The following MBNL1 variants were observed in gnomAD, a reference collection of about 807,000 sequenced individuals.
MBNL1 encodes the protein muscleblind-like protein 1.
In MBNL1, 8 loss-of-function variants were observed where a neutral mutation model predicts 42.2. The ratio of observed to expected loss-of-function variants is 0.19; its 90% CI spans 0.11 to 0.34. The LOEUF is 0.34. Among genes scored for constraint, MBNL1 ranks in the 10% least tolerant of loss-of-function variants. The pLI is 1.00. For missense variants in MBNL1, 309 were observed against 495.3 expected, an observed-to-expected ratio of 0.62 and a Z score of 3.57; for synonymous variants, 169 against 173.9, an observed-to-expected ratio of 0.97 and a Z score of 0.22.
At chr3:152,423,355 C>T (rs1004374273) in intron 3 of MBNL1, among the ~76,000 whole-genome samples, 4 of 152,172 alleles carry the variant, frequency 2.6e-5, no homozygotes, top group South Asian at 2.1e-4. Context: ...TTCCTGGACA[C>T]GTACAGCCTC....
At chr3:152,318,567 G>A (rs2073897584) in intron 2 of MBNL1, among the ~76,000 whole-genome samples, 1 of 152,042 alleles carries the variant, frequency 6.6e-6, no homozygotes, top group Non-Finnish European at 1.5e-5. Flanking sequence ...ATTAAAATAG[G>A]ACTTGATTGA....
intron 2 of MBNL1, among the ~76,000 whole-genome samples, chr3:152,320,943 A>G (rs149252798): frequency 6.6e-6 from 1 of 152,060 alleles, no homozygotes; most frequent in African/African-American, 2.4e-5. Flanking sequence ...AATACTTTAT[A>G]GTGTTGCAAC....
intron 8 of MBNL1, chr3:152,457,961 C>G: frequency 3.5e-6 from 2 of 566,716 alleles, no homozygotes; most frequent in Non-Finnish European, 6.4e-6. Context: ...TATATATATA[C>G]ACACATATAT....
At chr3:152,384,533 A>G (rs1381988244) in intron 2 of MBNL1, among the ~76,000 whole-genome samples, 3 of 152,150 alleles carry the variant, frequency 2.0e-5, no homozygotes, top group Non-Finnish European at 4.4e-5. Context: ...ACAATACTAT[A>G]GAACAACATA....
intron 2 of MBNL1, chr3:152,338,131 T>C: frequency 1.0e-6 from 1 of 984,448 alleles, no homozygotes; most frequent in Non-Finnish European, 1.2e-6. Flanking sequence ...TAAATCTCCA[T>C]ACCCACTTCA....
At chr3:152,389,731 G>A (rs1489697634) in intron 2 of MBNL1, among the ~76,000 whole-genome samples, 2 of 152,084 alleles carry the variant, frequency 1.3e-5, no homozygotes, top group Non-Finnish European at 2.9e-5. Flanking sequence ...AAGTTGTTCT[G>A]GATGAGTGAG....
In MBNL1 at chr3:152,462,485, C is replaced by T. The variant is rs1169969935; in HGVS notation, c.*119C>T. The T allele has an allele frequency of 6.6e-6, 1 of 152,140 alleles. No individual in the cohort carries two copies. Among genetic ancestry groups the T allele is most frequent in the Non-Finnish European group, 1.5e-5 (1 of 68,018 alleles). The allele number at this position is 152,140 out of a possible 1,614,324, so 9.4% of individuals were successfully genotyped here. ...TCAAGCAACACACACAAAAGTTCCT[C>T]AGCCACAAGACATCCACATATTGCA... On this transcript the variant is annotated 3_prime_UTR_variant, in exon 10 of 10. Transcript: ENST00000324210.
intron 4 of MBNL1, among the ~76,000 whole-genome samples, chr3:152,441,589 T>G (rs187881182): frequency 5.9e-5 from 9 of 152,322 alleles, no homozygotes; most frequent in Admixed American, 2.0e-4. Flanking sequence ...TTTTCCTGAT[T>G]ATGTTTTCTT....
chr3:152,382,759 C>T (rs1434419113), intron 2 of MBNL1, among the ~76,000 whole-genome samples: 1 of 152,122 alleles, frequency 6.6e-6, no homozygotes, highest in Non-Finnish European at 1.5e-5. Flanking sequence ...CAGGGGCTAT[C>T]TTTTCCTTGT....
chr3:152,406,320 T>C (rs2098425355), intron 2 of MBNL1, among the ~76,000 whole-genome samples: 1 of 152,170 alleles, frequency 6.6e-6, no homozygotes, highest in East Asian at 1.9e-4. Flanking sequence ...CAACTCTAAA[T>C]AGAAGAGCCT....
intron 2 of MBNL1, among the ~76,000 whole-genome samples, chr3:152,323,755 A>G (rs887292928): frequency 1.3e-5 from 2 of 152,194 alleles, no homozygotes; most frequent in African/African-American, 4.8e-5. Context: ...TATGATGTCT[A>G]CAAATGTCAC....
At chr3:152,312,469 G>T (rs2067336779) in intron 2 of MBNL1, among the ~76,000 whole-genome samples, 2 of 152,102 alleles carry the variant, frequency 1.3e-5, no homozygotes, top group East Asian at 3.9e-4. Flanking sequence ...GAATTTATGT[G>T]GATTCAATGA....
intron 1 of MBNL1, among the ~76,000 whole-genome samples, chr3:152,280,832 A>G (rs892928090): frequency 2.6e-5 from 4 of 152,076 alleles, no homozygotes; most frequent in Non-Finnish European, 4.4e-5. Context: ...CCAAGATTTA[A>G]TCTGCATTCT....
intron 2 of MBNL1, among the ~76,000 whole-genome samples, chr3:152,248,023 T>C (rs2033559278): frequency 6.6e-6 from 1 of 151,916 alleles, no homozygotes; most frequent in South Asian, 2.1e-4. Context: ...GTAGTGGTTA[T>C]CACATTCTCA....
intron 2 of MBNL1, among the ~76,000 whole-genome samples, chr3:152,383,820 G>A (rs531381203): frequency 2.0e-5 from 3 of 152,040 alleles, no homozygotes; most frequent in African/African-American, 4.8e-5. Context: ...GGAAGGGTAC[G>A]TCTTTAATCT....
intron 2 of MBNL1, among the ~76,000 whole-genome samples, chr3:152,356,148 AAAAAAT>A (rs2095498902): frequency 6.6e-6 from 1 of 152,160 alleles, no homozygotes; most frequent in South Asian, 2.1e-4. Flanking sequence ...ATGCTAAGAA[AAAAAAT>A]CTAACTTATG....
chr3:152,295,202 A>C (rs1269044315), intron 1 of MBNL1, among the ~76,000 whole-genome samples: 4 of 152,238 alleles, frequency 2.6e-5, no homozygotes, highest in African/African-American at 4.8e-5. Context: ...TTTGAAGTAA[A>C]TAGAATTTCT....
At chr3:152,277,317 A>G (rs374542490) in intron 1 of MBNL1, among the ~76,000 whole-genome samples, 77 of 152,162 alleles carry the variant, frequency 5.1e-4, no homozygotes, top group African/African-American at 1.6e-3. Context: ...AAATGTCTCA[A>G]TGTCAACCAG....
chr3:152,327,273 G>A (rs566388509), intron 2 of MBNL1, among the ~76,000 whole-genome samples: 2 of 151,944 alleles, frequency 1.3e-5, no homozygotes, highest in Admixed American at 1.3e-4. Context: ...TATTTATTGG[G>A]CATCTGTCTT....
Sources: gnomAD v4.1 joint callset for allele counts (sites outside exome capture counted in the v4.1 genomes callset) on GRCh38, gnomAD v4.1.1 for gene constraint, MANE v1.5 for transcripts, NCBI Gene and HGNC (gene_info 2026-07-23, HGNC 2026-07-21) for gene names.